ARIH1: variants seen among roughly 807,000 people sequenced by gnomAD.
ARIH1 encodes the protein E3 ubiquitin-protein ligase ARIH1.
ARIH1 carries 8 observed loss-of-function variants against 85.0 expected under a neutral mutation model. That is an observed-to-expected ratio of 0.09 (90% CI 0.06 to 0.17). The LOEUF (loss-of-function observed/expected upper bound fraction) is 0.17, where lower values mean the gene tolerates loss of function less well. ARIH1 is among the 10% of genes least tolerant of loss of function. The pLI is 1.00. For missense variants in ARIH1, 311 were observed against 718.1 expected (o/e 0.43, Z 6.48); for synonymous variants, 238 against 253.6 (o/e 0.94, Z 0.59).
At chr15:72,480,928 T>G (rs2063814167) in intron 1 of ARIH1, among the ~76,000 whole-genome samples, 1 of 152,190 alleles carries the variant, frequency 6.6e-6, no homozygotes, top group South Asian at 2.1e-4. Flanking sequence ...CTTTTTTACA[T>G]TAAGTGTTTT....
rs992594971 is a variant in ARIH1 at position 72,593,196 on chromosome 15, T to C, written c.*9904T>C. 6.6e-5 allele frequency: 10 copies of C among 152,224 alleles called. No individual in the cohort carries two copies. Among genetic ancestry groups the C allele is most frequent in the Non-Finnish European group, 1.0e-4 (7 of 68,032 alleles). 9.4% of individuals were successfully genotyped at this position (152,224 alleles called of 1,614,324 possible). On this transcript the variant is annotated 3_prime_UTR_variant, in exon 14 of 14. Transcript: ENST00000379887. ...TTTTCATATGCTTATTTTTCATTTG[T>C]ATATCTTTCAAGAAGTGTCTTTCAT...
At chr15:72,489,508 G>C (rs780707439) in intron 1 of ARIH1, among the ~76,000 whole-genome samples, 1 of 152,074 alleles carries the variant, frequency 6.6e-6, no homozygotes, top group Non-Finnish European at 1.5e-5. Context: ...AAAAAAATAC[G>C]TTTCACTTAA....
At chr15:72,545,057 T>G in intron 3 of ARIH1, 93 bp downstream of exon 3, 34 of 1,207,650 alleles carry the variant, frequency 2.8e-5, no homozygotes, top group Middle Eastern at 2.9e-4. Flanking sequence ...TTTGTGGGTC[T>G]GGGAGTAGTA....
At chr15:72,518,800 A>AG (rs1239294330) in intron 2 of ARIH1, among the ~76,000 whole-genome samples, 1 of 151,854 alleles carries the variant, frequency 6.6e-6, no homozygotes, top group East Asian at 1.9e-4. Flanking sequence ...AAAAAAAAAA[A>AG]AAAAAATTCT....
chr15:72,494,404 C>G (rs1159326454), intron 1 of ARIH1, among the ~76,000 whole-genome samples: 1 of 151,946 alleles, frequency 6.6e-6, no homozygotes, highest in Non-Finnish European at 1.5e-5. Flanking sequence ...GCTTACTAGG[C>G]AGATGGGGTT....
At chr15:72,498,961 A>ATTTTTTTTTTTTTTTTT (rs535261674) in intron 1 of ARIH1, among the ~76,000 whole-genome samples, 4 of 88,450 alleles carry the variant, frequency 4.5e-5, no homozygotes, top group African/African-American at 1.9e-4. Context: ...CTTTTCATAA[A>ATTTTTTTTTTTTTTTTT]TTTTTTTTTT....
At chr15:72,581,106 G>T (rs1567361858) in intron 12 of ARIH1, 115 bp downstream of exon 12, 2 of 1,074,320 alleles carry the variant, frequency 1.9e-6, no homozygotes, top group South Asian at 3.3e-5. Context: ...CATGTAGGTA[G>T]ACGAATGTAT....
chr15:72,548,330 G>A (rs2064138338), intron 3 of ARIH1, among the ~76,000 whole-genome samples: 1 of 152,114 alleles, frequency 6.6e-6, no homozygotes, highest in African/African-American at 2.4e-5. Flanking sequence ...TTCAAGAACT[G>A]GGGGATGGTA....
intron 4 of ARIH1, 86 bp downstream of exon 4, chr15:72,555,449 G>T: frequency 3.3e-6 from 3 of 919,990 alleles, no homozygotes; most frequent in Non-Finnish European, 5.1e-6. Context: ...ATAAAAACAG[G>T]TGAAGCTTTA....
At position 72,474,550 on chromosome 15, in the gene ARIH1, CAGCCGG is replaced by C. The variant is rs1369654531; in HGVS notation, c.-80_-75del. 3 of 1,425,334 alleles carry C rather than the reference CAGCCGG, an allele frequency of 2.1e-6. No homozygotes were observed. The highest frequency in any genetic ancestry group is 1.5e-5 in the African/African-American group (1 of 66,804). The allele number at this position is 1,425,334 out of a possible 1,614,324, so 88.3% of individuals were successfully genotyped here. A position where few individuals can be genotyped will look rare whatever the true frequency, so the allele number is the denominator to read the frequency against. On this transcript the variant is annotated 5_prime_UTR_variant, in exon 1 of 14. Coordinates refer to ENST00000379887, the MANE Select transcript of ARIH1 (RefSeq NM_005744.5). ...CGGAGCCAGGCCTGCGTCCGGACATCAGCCGGAGCCGGAGCGAGAGCCGGGGCCTCG... is the reference window on the plus strand; with the variant it reads ...CGGAGCCAGGCCTGCGTCCGGACATCAGCCGGAGCGAGAGCCGGGGCCTCG...
chr15:72,570,946 A>G (rs1406720247), intron 10 of ARIH1, among the ~76,000 whole-genome samples: 2 of 151,956 alleles, frequency 1.3e-5, no homozygotes, highest in African/African-American at 2.4e-5. Flanking sequence ...CCTGACCAAC[A>G]TGGAGAAACC....
chr15:72,573,517 C>T (rs2064257380), intron 11 of ARIH1, among the ~76,000 whole-genome samples: 1 of 152,028 alleles, frequency 6.6e-6, no homozygotes, highest in Admixed American at 6.6e-5. Flanking sequence ...GCCAAGATTT[C>T]ACCACTGTAC....
At chr15:72,522,249 C>A (rs1186463751) in intron 2 of ARIH1, among the ~76,000 whole-genome samples, 1 of 152,180 alleles carries the variant, frequency 6.6e-6, no homozygotes, top group African/African-American at 2.4e-5. Flanking sequence ...CACCATGGCT[C>A]ACACCTGTAA....
intron 11 of ARIH1, among the ~76,000 whole-genome samples, chr15:72,579,376 G>T (rs879917826): frequency 6.6e-6 from 1 of 152,098 alleles, no homozygotes; most frequent in Non-Finnish European, 1.5e-5. Flanking sequence ...CAGTGGTTGG[G>T]GGGGGAGCCC....
intron 12 of ARIH1, chr15:72,581,543 G>T (rs1459231728): frequency 6.4e-6 from 1 of 157,326 alleles, no homozygotes; most frequent in African/African-American, 2.4e-5. Context: ...AAGTAAAGAT[G>T]TTCATTTAAA....
At chr15:72,548,730 A>G (rs2064140344) in intron 3 of ARIH1, among the ~76,000 whole-genome samples, 1 of 152,200 alleles carries the variant, frequency 6.6e-6, no homozygotes, top group Non-Finnish European at 1.5e-5. Flanking sequence ...TTATTATTGG[A>G]TGAGTGAGTT....
At chr15:72,556,207 G>A (rs1046997422) in intron 5 of ARIH1, among the ~76,000 whole-genome samples, 3 of 56,176 alleles carry the variant, frequency 5.3e-5, no homozygotes, top group African/African-American at 8.0e-5. Context: ...TAGAATAAAA[G>A]GTGAAACTGA....
At chr15:72,520,006 A>G (rs1043489974) in intron 2 of ARIH1, among the ~76,000 whole-genome samples, 5 of 152,310 alleles carry the variant, frequency 3.3e-5, no homozygotes, top group African/African-American at 1.2e-4. Context: ...ATATTTTTCC[A>G]TTAAATATTG....
chr15:72,588,267 G>A lies in ARIH1; in HGVS notation c.*4975G>A, dbSNP rs958256554. On this transcript the variant is annotated 3_prime_UTR_variant, in exon 14 of 14. Transcript: ENST00000379887. ...TGGGCCAAAGAAAACCCGGCCATGG[G>A]CAGTTTTTTTTTCCCAGCTTCTACT... 2.6e-5 allele frequency: 4 copies of A among 152,132 alleles called. No individual in the cohort carries two copies. Among genetic ancestry groups the A allele is most frequent in the Admixed American group, 2.0e-4 (3 of 15,268 alleles). The allele number at this position is 152,132 out of a possible 1,614,324, so 9.4% of individuals were successfully genotyped here.
Sources: gnomAD v4.1 joint callset for allele counts (sites outside exome capture counted in the v4.1 genomes callset) on GRCh38, gnomAD v4.1.1 for gene constraint, MANE v1.5 for transcripts, NCBI Gene and HGNC (gene_info 2026-07-23, HGNC 2026-07-21) for gene names.